The following ARHGAP15 variants were observed in gnomAD, a reference collection of about 807,000 sequenced individuals.
The protein encoded by ARHGAP15 is rho GTPase-activating protein 15.
Under a neutral mutation model 63.7 loss-of-function variants are expected in ARHGAP15, and 51 were observed. The ratio of observed to expected loss-of-function variants is 0.80; its 90% confidence interval spans 0.64 to 1.01. The LOEUF is 1.01. ARHGAP15 is among the 50% of genes least tolerant of loss of function. The probability of loss-of-function intolerance (pLI) is 0.00; values close to 1 mark genes in which losing one functional copy is unlikely to be tolerated. For missense variants in ARHGAP15, 560 were observed against 564.6 expected (o/e 0.99, Z 0.08); for synonymous variants, 191 against 193.8 (o/e 0.99, Z 0.12).
At chr2:143,439,036 T>C (rs1220458104) in intron 8 of ARHGAP15, among the ~76,000 whole-genome samples, 1 of 152,150 alleles carries the variant, frequency 6.6e-6, no homozygotes, top group Non-Finnish European at 1.5e-5. Flanking sequence ...AAAAAAAATC[T>C]TAGATAGAAC....
chr2:143,137,473 G>C (rs1461202988), intron 1 of ARHGAP15, among the ~76,000 whole-genome samples: 1 of 151,946 alleles, frequency 6.6e-6, no homozygotes, highest in Non-Finnish European at 1.5e-5. Flanking sequence ...TCAAATAAAA[G>C]ACACTATATG....
chr2:143,209,520 A>G (rs1470023523), intron 3 of ARHGAP15, among the ~76,000 whole-genome samples: 2 of 151,934 alleles, frequency 1.3e-5, no homozygotes, highest in African/African-American at 4.8e-5. Flanking sequence ...AAAGGAAGGC[A>G]TAATTCTATA....
intron 1 of ARHGAP15, among the ~76,000 whole-genome samples, chr2:143,135,372 A>G (rs1209503095): frequency 6.6e-6 from 1 of 152,224 alleles, no homozygotes; most frequent in African/African-American, 2.4e-5. Flanking sequence ...GCTGGTTATT[A>G]GTCCAATTCC....
At chr2:143,363,529 C>G (rs1467517711) in intron 6 of ARHGAP15, among the ~76,000 whole-genome samples, 1 of 152,144 alleles carries the variant, frequency 6.6e-6, no homozygotes, top group East Asian at 1.9e-4. Context: ...ATAGAACACT[C>G]TTGCTACTGT....
At chr2:143,763,201 T>C (rs1041355838) in intron 13 of ARHGAP15, among the ~76,000 whole-genome samples, 1 of 152,118 alleles carries the variant, frequency 6.6e-6, no homozygotes. Context: ...AAGAGAGACA[T>C]ATAATAATAT....
intron 6 of ARHGAP15, among the ~76,000 whole-genome samples, chr2:143,400,281 A>G (rs982081894): frequency 4.6e-5 from 7 of 152,034 alleles, no homozygotes; most frequent in Non-Finnish European, 1.5e-5. Flanking sequence ...AGAAAATACA[A>G]TTTGTTGAAA....
At chr2:143,260,654 C>T (rs1680671610) in intron 6 of ARHGAP15, among the ~76,000 whole-genome samples, 2 of 151,994 alleles carry the variant, frequency 1.3e-5, no homozygotes, top group Non-Finnish European at 2.9e-5. Context: ...GTGGAAATGC[C>T]TATATTGAAA....
intron 12 of ARHGAP15, among the ~76,000 whole-genome samples, chr2:143,655,097 T>C (rs1681366469): frequency 6.6e-6 from 1 of 152,122 alleles, no homozygotes; most frequent in South Asian, 2.1e-4. Context: ...TCTGATAAAC[T>C]CATGGCAAAG....
intron 9 of ARHGAP15, among the ~76,000 whole-genome samples, chr2:143,508,362 C>G (rs1023143212): frequency 2.0e-5 from 3 of 152,236 alleles, no homozygotes; most frequent in Non-Finnish European, 2.9e-5. Context: ...CTCTCTGTCT[C>G]TCTGCCTTGC....
intron 6 of ARHGAP15, among the ~76,000 whole-genome samples, chr2:143,368,554 T>A (rs1243349635): frequency 6.6e-6 from 1 of 152,120 alleles, no homozygotes; most frequent in East Asian, 1.9e-4. Context: ...AGAACTCCAG[T>A]AGACATGAAG....
intron 6 of ARHGAP15, among the ~76,000 whole-genome samples, chr2:143,292,300 T>A (rs1017031310): frequency 8.5e-5 from 13 of 152,134 alleles, no homozygotes; most frequent in Non-Finnish European, 1.9e-4. Context: ...TGCTTTTTTT[T>A]AGTTAATTAT....
At chr2:143,242,949 G>C (rs1316836894) in intron 5 of ARHGAP15, among the ~76,000 whole-genome samples, 2 of 152,176 alleles carry the variant, frequency 1.3e-5, no homozygotes, top group Non-Finnish European at 2.9e-5. Flanking sequence ...AGGACAATCT[G>C]AGTCTATATT....
intron 9 of ARHGAP15, among the ~76,000 whole-genome samples, chr2:143,492,219 A>G (rs938317179): frequency 6.6e-6 from 1 of 151,984 alleles, no homozygotes; most frequent in Non-Finnish European, 1.5e-5. Context: ...CTTACAGTCA[A>G]ATACAGCTCA....
At chr2:143,623,163 G>T (rs1163796875) in intron 11 of ARHGAP15, among the ~76,000 whole-genome samples, 2 of 152,202 alleles carry the variant, frequency 1.3e-5, no homozygotes, top group African/African-American at 4.8e-5. Flanking sequence ...CTCGACAGCA[G>T]TGCCTTTGTA....
intron 5 of ARHGAP15, among the ~76,000 whole-genome samples, chr2:143,248,771 G>A (rs894287950): frequency 2.0e-5 from 3 of 152,144 alleles, no homozygotes; most frequent in Non-Finnish European, 2.9e-5. Flanking sequence ...TTAGACTTCT[G>A]TATAATTGCC....
chr2:143,167,991 A>G (rs1330047246), intron 2 of ARHGAP15, among the ~76,000 whole-genome samples: 2 of 152,116 alleles, frequency 1.3e-5, no homozygotes, highest in Admixed American at 1.3e-4. Context: ...TAAGTCAGAA[A>G]ATAACAACTG....
At chr2:143,474,694 TGG>T (rs1691730632) in intron 8 of ARHGAP15, among the ~76,000 whole-genome samples, 1 of 152,224 alleles carries the variant, frequency 6.6e-6, no homozygotes, top group South Asian at 2.1e-4. Context: ...TTAAACAATT[TGG>T]GCGTCTTTTT....
At chr2:143,504,804 A>AGGCGG (rs1693230962) in intron 9 of ARHGAP15, among the ~76,000 whole-genome samples, 1 of 152,128 alleles carries the variant, frequency 6.6e-6, no homozygotes, top group African/African-American at 2.4e-5. Flanking sequence ...GCACTTTCTG[A>AGGCGG]GAGTTACCTG....
chr2:143,418,634 A>T (rs1688784643), intron 6 of ARHGAP15, among the ~76,000 whole-genome samples: 1 of 152,206 alleles, frequency 6.6e-6, no homozygotes. Flanking sequence ...TTAAAATATA[A>T]ATTGGAAAAA....
Sources: gnomAD v4.1 joint callset for allele counts (sites outside exome capture counted in the v4.1 genomes callset) on GRCh38, gnomAD v4.1.1 for gene constraint, MANE v1.5 for transcripts, NCBI Gene and HGNC (gene_info 2026-07-23, HGNC 2026-07-21) for gene names.